Variants in AGBL4 observed in about 807,000 individuals in gnomAD.
AGBL4 encodes the protein AGBL carboxypeptidase 4, also known as cytosolic carboxypeptidase 6.
In AGBL4, 58 loss-of-function variants were observed where a neutral mutation model predicts 66.4. The observed-to-expected ratio is 0.87, with a 90% CI of 0.71 to 1.09. The LOEUF (loss-of-function observed/expected upper bound fraction) is 1.09, where lower values mean the gene tolerates loss of function less well. Ranked by LOEUF, AGBL4 falls within the 50% of genes least tolerant of loss-of-function variation. The pLI is 0.00. For synonymous variants in AGBL4, 234 were observed against 222.9 expected, an observed-to-expected ratio of 1.05 and a Z score of -0.44; for missense variants, 579 against 631.0, an observed-to-expected ratio of 0.92 and a Z score of 0.88.
chr1:49,024,526 G>A (rs1475618858), intron 5 of AGBL4, among the ~76,000 whole-genome samples: 1 of 151,986 alleles, frequency 6.6e-6, no homozygotes, highest in East Asian at 1.9e-4. Flanking sequence ...GGTAATCTTG[G>A]ACAAGTTACT....
At chr1:48,554,605 AT>A (rs565282641) in intron 11 of AGBL4, among the ~76,000 whole-genome samples, 16 of 150,250 alleles carry the variant, frequency 1.1e-4, no homozygotes, top group African/African-American at 2.9e-4. Flanking sequence ...ACATTTTATG[AT>A]TTTTTTTTTC....
At chr1:49,555,803 G>C (rs1016935977) in intron 3 of AGBL4, among the ~76,000 whole-genome samples, 1 of 151,994 alleles carries the variant, frequency 6.6e-6, no homozygotes, top group Non-Finnish European at 1.5e-5. Context: ...GGCCATCACA[G>C]AAATGCAAAT....
intron 2 of AGBL4, among the ~76,000 whole-genome samples, chr1:49,803,180 C>A (rs978965166): frequency 2.0e-5 from 3 of 151,744 alleles, no homozygotes; most frequent in Admixed American, 2.0e-4. Context: ...AGAGTGCCTG[C>A]CTATGATTTT....
downstream of AGBL4, among the ~76,000 whole-genome samples, chr1:48,528,015 G>T (rs1056721436): frequency 4.6e-5 from 7 of 152,172 alleles, no homozygotes; most frequent in African/African-American, 1.7e-4. Context: ...GGAAATAATG[G>T]TGGGAGTGGC....
intron 2 of AGBL4, among the ~76,000 whole-genome samples, chr1:49,733,091 T>A (rs950702190): frequency 6.6e-6 from 1 of 152,174 alleles, no homozygotes; most frequent in African/African-American, 2.4e-5. Flanking sequence ...AACAACTGAC[T>A]TTCATCAGAG....
chr1:48,814,460 C>T (rs992578637), intron 6 of AGBL4, among the ~76,000 whole-genome samples: 1 of 152,060 alleles, frequency 6.6e-6, no homozygotes, highest in Non-Finnish European at 1.5e-5. Flanking sequence ...GTGCTGGAAA[C>T]ATTCAATATC....
At chr1:48,608,315 G>GT (rs1645182726) in intron 9 of AGBL4, among the ~76,000 whole-genome samples, 2 of 152,184 alleles carry the variant, frequency 1.3e-5, no homozygotes, top group South Asian at 2.1e-4. Flanking sequence ...GGTGAAGAAG[G>GT]TAATAAAACT....
At chr1:49,913,066 T>C (rs1651017447) in intron 1 of AGBL4, among the ~76,000 whole-genome samples, 1 of 152,214 alleles carries the variant, frequency 6.6e-6, no homozygotes, top group Admixed American at 6.5e-5. Flanking sequence ...CCAAATCTCA[T>C]TTCCTTTGCA....
At chr1:49,884,825 T>C (rs981705482) in intron 1 of AGBL4, among the ~76,000 whole-genome samples, 1 of 151,868 alleles carries the variant, frequency 6.6e-6, no homozygotes, top group Non-Finnish European at 1.5e-5. Context: ...ATTATGAACA[T>C]ATTTTGGGGC....
chr1:49,348,343 G>C (rs12732327), intron 3 of AGBL4, among the ~76,000 whole-genome samples: 13,943 of 152,104 alleles, frequency 0.092, 879 homozygotes, highest in East Asian at 0.3. Flanking sequence ...GCATGAACCC[G>C]GGAGGCGGAG....
At chr1:49,568,604 T>A (rs1644264921) in intron 3 of AGBL4, among the ~76,000 whole-genome samples, 1 of 151,578 alleles carries the variant, frequency 6.6e-6, no homozygotes, top group African/African-American at 2.4e-5. Flanking sequence ...TTCAATGCTA[T>A]CCCTATCAAA....
chr1:49,038,674 G>C (rs1664859649), intron 5 of AGBL4, among the ~76,000 whole-genome samples: 1 of 152,020 alleles, frequency 6.6e-6, no homozygotes, highest in African/African-American at 2.4e-5. Context: ...TATTAGAATG[G>C]CCAAAATCAA....
At chr1:49,173,905 G>A (rs775971678) in intron 4 of AGBL4, among the ~76,000 whole-genome samples, 1 of 152,154 alleles carries the variant, frequency 6.6e-6, no homozygotes, top group Non-Finnish European at 1.5e-5. Flanking sequence ...TAAACAAAGT[G>A]TTTAAGGATA....
intron 4 of AGBL4, among the ~76,000 whole-genome samples, chr1:49,242,331 T>A (rs1651301224): frequency 2.0e-5 from 3 of 152,012 alleles, no homozygotes; most frequent in African/African-American, 7.2e-5. Context: ...TCCAATAAGT[T>A]ATTTCAGATT....
chr1:49,489,871 A>G (rs1379593257), intron 3 of AGBL4, among the ~76,000 whole-genome samples: 1 of 151,476 alleles, frequency 6.6e-6, no homozygotes, highest in African/African-American at 2.4e-5. Flanking sequence ...ATTCTTTTCT[A>G]TCGGTTTATG....
intron 3 of AGBL4, among the ~76,000 whole-genome samples, chr1:49,504,029 A>C (rs1301190580): frequency 6.6e-6 from 1 of 152,130 alleles, no homozygotes; most frequent in African/African-American, 2.4e-5. Flanking sequence ...GTCTCATTAC[A>C]AATGAATTGT....
intron 3 of AGBL4, among the ~76,000 whole-genome samples, chr1:49,282,862 A>G (rs932878562): frequency 1.3e-5 from 2 of 152,016 alleles, no homozygotes; most frequent in Admixed American, 6.5e-5. Context: ...CCTGGCTTGG[A>G]GGGTCCTAGG....
At chr1:49,381,441 T>C (rs1644607095) in intron 3 of AGBL4, among the ~76,000 whole-genome samples, 1 of 152,288 alleles carries the variant, frequency 6.6e-6, no homozygotes, top group South Asian at 2.1e-4. Context: ...AGTGTGGTGA[T>C]TCCTCAGGGA....
chr1:49,447,538 C>G (rs1156525168), intron 3 of AGBL4, among the ~76,000 whole-genome samples: 2 of 152,166 alleles, frequency 1.3e-5, no homozygotes, highest in African/African-American at 4.8e-5. Context: ...GCCACAGACA[C>G]TTAGTTCTCA....
Sources: gnomAD v4.1 joint callset for allele counts (sites outside exome capture counted in the v4.1 genomes callset) on GRCh38, gnomAD v4.1.1 for gene constraint, MANE v1.5 for transcripts, NCBI Gene and HGNC (gene_info 2026-07-23, HGNC 2026-07-21) for gene names.